The following SGCD variants were observed in gnomAD, a reference collection of about 807,000 sequenced individuals.
SGCD encodes the protein delta-sarcoglycan.
SGCD carries 18 observed loss-of-function variants against 36.6 expected under a neutral mutation model. The observed-to-expected ratio is 0.49, with a 90% CI of 0.34 to 0.73. SGCD has a LOEUF of 0.73. SGCD is among the 30% of genes least tolerant of loss of function. SGCD has a pLI of 0.01. For missense variants in SGCD, 387 were observed against 346.7 expected (o/e 1.12, Z -0.92); for synonymous variants, 133 against 130.6 (o/e 1.02, Z -0.12).
At chr5:156,589,823 C>T (rs1286467828) in intron 5 of SGCD, among the ~76,000 whole-genome samples, 1 of 152,210 alleles carries the variant, frequency 6.6e-6, no homozygotes, top group Non-Finnish European at 1.5e-5. Context: ...TGTATCTTTA[C>T]TGAATATGTT....
rs896190379 is a variant in SGCD at position 155,927,895 on chromosome 5, T to C, written c.-282+57471T>C. Among the ~76,000 whole-genome samples, 7 of 152,358 alleles carry C rather than the reference T, an allele frequency of 4.6e-5. No individual in the cohort carries two copies. The South Asian group carries it at 6.2e-4, about 14-fold the overall frequency. ...CTTCTTTCTTTCTCAGTACTTTTAG[T>C]TTTCTTAACACTTTTTTGAATAGTT... is the stretch of plus-strand genomic sequence containing the variant. On this transcript the variant is annotated intron_variant, in intron 1 of 9. Coordinates refer to the SGCD transcript ENST00000517913.
At chr5:156,400,567 C>A (rs1278096028) in intron 3 of SGCD, among the ~76,000 whole-genome samples, 1 of 152,170 alleles carries the variant, frequency 6.6e-6, no homozygotes, top group Non-Finnish European at 1.5e-5. Flanking sequence ...AAAGAAAGAT[C>A]ACCTACTCCT....
At chr5:156,212,846 A>C (rs1395476100) in intron 3 of SGCD, among the ~76,000 whole-genome samples, 1 of 152,110 alleles carries the variant, frequency 6.6e-6, no homozygotes, top group Non-Finnish European at 1.5e-5. Flanking sequence ...TAACAGGAGC[A>C]ATTTTATAAA....
intron 3 of SGCD, among the ~76,000 whole-genome samples, chr5:156,291,209 A>C (rs559112352): frequency 3.9e-5 from 6 of 152,130 alleles, no homozygotes; most frequent in African/African-American, 9.7e-5. Context: ...TGTACTTAGC[A>C]ACACCGTATT....
chr5:156,480,360 C>A (rs906197137), intron 3 of SGCD, among the ~76,000 whole-genome samples: 5 of 152,198 alleles, frequency 3.3e-5, no homozygotes, highest in Non-Finnish European at 7.3e-5. Flanking sequence ...CTCATGATAG[C>A]AAAATGGCAG....
At chr5:156,170,368 G>T (rs146248077) in intron 3 of SGCD, among the ~76,000 whole-genome samples, 3 of 152,312 alleles carry the variant, frequency 2.0e-5, no homozygotes, top group Non-Finnish European at 4.4e-5. Flanking sequence ...AGTAGTAATT[G>T]TCCACCTGAG....
intron 3 of SGCD, among the ~76,000 whole-genome samples, chr5:156,450,994 G>A (rs1009410493): frequency 2.6e-5 from 4 of 151,926 alleles, no homozygotes; most frequent in African/African-American, 9.7e-5. Context: ...TCCAGGGATG[G>A]GCAGACAGAT....
chr5:156,717,323 A>G (rs944821869), intron 7 of SGCD, among the ~76,000 whole-genome samples: 2 of 151,698 alleles, frequency 1.3e-5, no homozygotes, highest in African/African-American at 4.9e-5. Flanking sequence ...TCTAATACTG[A>G]CTCCCACCCA....
chr5:155,808,218 T>C, the SGCD span, among the ~76,000 whole-genome samples: 6 of 152,202 alleles, frequency 3.9e-5, no homozygotes, highest in Non-Finnish European at 8.8e-5. Flanking sequence ...TTGTGATTTA[T>C]CCATTTTTTT....
the SGCD span, among the ~76,000 whole-genome samples, chr5:155,854,605 CAAT>C: frequency 2.0e-5 from 3 of 152,014 alleles, no homozygotes; most frequent in African/African-American, 7.2e-5. Context: ...AAGAACAAAA[CAAT>C]AAATTATTTC....
chr5:156,521,191 C>G (rs1433937002), intron 4 of SGCD, among the ~76,000 whole-genome samples: 1 of 152,052 alleles, frequency 6.6e-6, no homozygotes, highest in Admixed American at 6.6e-5. Flanking sequence ...ACACCATATA[C>G]AAAAATCAAC....
chr5:156,643,186 C>A (rs1763103124), intron 6 of SGCD, among the ~76,000 whole-genome samples: 1 of 152,006 alleles, frequency 6.6e-6, no homozygotes, highest in Non-Finnish European at 1.5e-5. Flanking sequence ...GAATGCACCA[C>A]CACGCCCGGC....
intron 1 of SGCD, among the ~76,000 whole-genome samples, chr5:155,933,520 A>G (rs1231910019): frequency 1.3e-5 from 2 of 152,216 alleles, no homozygotes; most frequent in Non-Finnish European, 2.9e-5. Flanking sequence ...CAAAATATAA[A>G]TATTTAGTCA....
chr5:156,227,827 T>C (rs754045147), intron 3 of SGCD, among the ~76,000 whole-genome samples: 2 of 152,146 alleles, frequency 1.3e-5, no homozygotes, highest in African/African-American at 2.4e-5. Flanking sequence ...CCCGGGGGTT[T>C]TGATAGGTTG....
At chr5:156,107,197 T>G (rs749419830) in intron 1 of SGCD, among the ~76,000 whole-genome samples, 2 of 152,188 alleles carry the variant, frequency 1.3e-5, no homozygotes, top group Non-Finnish European at 2.9e-5. Context: ...CAATTATGAC[T>G]AATTTCTAAT....
chr5:155,992,295 A>G (rs776589999), intron 1 of SGCD, among the ~76,000 whole-genome samples: 10 of 152,098 alleles, frequency 6.6e-5, no homozygotes, highest in Non-Finnish European at 1.3e-4. Context: ...TATACAAATG[A>G]CTGCAACTCT....
At chr5:156,326,014 G>A (rs535204183), upstream of SGCD, among the ~76,000 whole-genome samples, 8 of 152,304 alleles carry the variant, frequency 5.3e-5, no homozygotes, top group East Asian at 1.5e-3. Context: ...AGAATAAGTT[G>A]CCAATGGGGT....
intron 3 of SGCD, 48 bp from the exon 4 acceptor site, chr5:156,508,553 A>G: frequency 8.3e-7 from 1 of 1,205,554 alleles, no homozygotes; most frequent in Non-Finnish European, 1.2e-6. Context: ...GGTGTTTTGA[A>G]ATTTTGGCTA....
At chr5:156,131,767 CT>C (rs769967070) in intron 3 of SGCD, among the ~76,000 whole-genome samples, 22 of 152,176 alleles carry the variant, frequency 1.4e-4, no homozygotes, top group Non-Finnish European at 2.8e-4. Flanking sequence ...AATTGTTATG[CT>C]TTATCTGTCC....
Sources: allele counts gnomAD v4.1 joint callset (sites outside exome capture counted in the v4.1 genomes callset), GRCh38; gene constraint gnomAD v4.1.1; transcripts MANE v1.5; gene names NCBI Gene and HGNC (gene_info 2026-07-23, HGNC 2026-07-21).